Variants in ASB18 observed in about 807,000 individuals in gnomAD.
The protein encoded by ASB18 is ankyrin repeat and SOCS box protein 18.
ASB18 carries 33 observed loss-of-function variants against 33.4 expected under a neutral mutation model. The ratio of observed to expected loss-of-function variants is 0.99; its 90% CI spans 0.75 to 1.32. ASB18 has a LOEUF of 1.32. Among genes scored for constraint, ASB18 ranks in the 40% most tolerant of loss-of-function variants. The pLI, the probability that ASB18 is intolerant of heterozygous loss-of-function variation, is 0.00. For missense variants in ASB18, 694 were observed against 655.5 expected (o/e 1.06, Z -0.64); for synonymous variants, 295 against 307.6 (o/e 0.96, Z 0.43).
chr2:236,247,303 A>G (rs2060649728), intron 1 of ASB18: 1 of 140,032 alleles, frequency 7.1e-6, no homozygotes, highest in Non-Finnish European at 1.5e-5. Flanking sequence ...CTGAAAACCA[A>G]CTCATTCATT....
Position 236,237,836 on chromosome 2 carries a change from G to C in ASB18, c.449C>G (p.Pro150Arg). 3.6e-6 allele frequency: 5 copies of C among 1,388,670 alleles called. No individual in the cohort carries two copies. Among genetic ancestry groups the C allele is most frequent in the Non-Finnish European group, 4.6e-6 (5 of 1,082,566 alleles). The allele number at this position is 1,388,670 out of a possible 1,614,324, so 86.0% of individuals were successfully genotyped here. ...CTCGTGCAGGGCGCCGCGGCCGCCG[G>C]GGCTGGCGTCTGGGTCTGCGCCGCG... ...LGRGADPDAS[P>R]GGRGALHEAC... The change falls in exon 3 of 6, where the codon CCC (proline) becomes CGC (arginine). Residue 150 changes from proline (P) to arginine (R), a missense_variant. Physicochemically the swap from Pro to Arg is moderately radical, Grantham distance 103. Transcript: ENST00000409749. The surrounding 1 kb of genome is among the most constrained non-coding windows in gnomAD (Gnocchi z 6.2).
intron 3 of ASB18, among the ~76,000 whole-genome samples, chr2:236,232,372 C>T (rs1420599333): frequency 6.6e-6 from 1 of 151,720 alleles, no homozygotes; most frequent in Non-Finnish European, 1.5e-5. Flanking sequence ...ATGTATAGCA[C>T]TAAAAGCCTA....
Position 236,221,407 on chromosome 2 carries a change from C to G in ASB18, c.597-6541G>C, listed in dbSNP as rs555085925. ...CAAATCTCACCTTGAGTTTTACTCCCATAATTCCCATGTGTTGTGGGAGGG... is the reference window on the plus strand; with the variant it reads ...CAAATCTCACCTTGAGTTTTACTCCGATAATTCCCATGTGTTGTGGGAGGG... On this transcript the variant is annotated intron_variant, in intron 3 of 5. Coordinates refer to ENST00000409749, the MANE Select transcript of ASB18 (RefSeq NM_212556.4). This position sits in a 1 kb window ranked among gnomAD's most constrained non-coding sequence, Gnocchi z 5.6. Among the ~76,000 whole-genome samples the G allele has an allele frequency of 1.8e-4, 27 of 152,246 alleles. No individual in the cohort carries two copies. The highest frequency in any genetic ancestry group is 6.0e-4 in the African/African-American group (25 of 41,558).
rs1309403497 is a variant in ASB18 at position 236,220,350 on chromosome 2, C to T, written c.597-5484G>A. Among the ~76,000 whole-genome samples, 2 of 152,204 alleles carry T rather than the reference C, an allele frequency of 1.3e-5. No individual in the cohort carries two copies. The highest frequency in any genetic ancestry group is 1.5e-5 in the Non-Finnish European group (1 of 68,034). On this transcript the variant is annotated intron_variant, in intron 3 of 5. Coordinates refer to ENST00000409749, the MANE Select transcript of ASB18 (RefSeq NM_212556.4). The surrounding 1 kb of genome is among the most constrained non-coding windows in gnomAD (Gnocchi z 5.1). ...CACCTGTCTCACCCACCTGCTCCCACCTGTCTCAGCTGCCTGCCAAGCCTC... is the reference window on the plus strand; with the variant it reads ...CACCTGTCTCACCCACCTGCTCCCATCTGTCTCAGCTGCCTGCCAAGCCTC...
At chr2:236,212,552 ATAAG>A (rs1158107243) in intron 4 of ASB18, among the ~76,000 whole-genome samples, 2 of 152,122 alleles carry the variant, frequency 1.3e-5, no homozygotes, top group Non-Finnish European at 2.9e-5. Context: ...TCTTCCCTGA[ATAAG>A]TAAGTCAGAA....
In ASB18 at chr2:236,238,597, T is replaced by G. The variant is rs2060607285; in HGVS notation, c.329-641A>C. 8.9e-6 allele frequency among the ~76,000 whole-genome samples: 1 copy of G among 112,558 alleles called. No homozygotes were observed. Among genetic ancestry groups the G allele is most frequent in the Non-Finnish European group, 1.8e-5 (1 of 56,840 alleles). 73.8% of individuals were successfully genotyped at this position (112,558 alleles called of 152,430 possible). A position where few individuals can be genotyped will look rare whatever the true frequency, so the allele number is the denominator to read the frequency against. On this transcript the variant is annotated intron_variant, in intron 2 of 5. Transcript: ENST00000409749. This position sits in a 1 kb window ranked among gnomAD's most constrained non-coding sequence, Gnocchi z 5.2. Reference sequence around the variant, plus strand: ...TCAGCACAATCCTGGTTTGTTTCTTTGCGCTTTTTAGGGGTGTGTGTGTGT... The same window carrying G: ...TCAGCACAATCCTGGTTTGTTTCTTGGCGCTTTTTAGGGGTGTGTGTGTGT...
intron 4 of ASB18, among the ~76,000 whole-genome samples, chr2:236,212,510 C>CA (rs2060463401): frequency 6.6e-6 from 1 of 152,034 alleles, no homozygotes; most frequent in African/African-American, 2.4e-5. Context: ...TATATTGACT[C>CA]CTTTTTTTTT....
At position 236,264,178 on chromosome 2, in the gene ASB18, T is replaced by G; in HGVS notation, c.168A>C (p.Lys56Asn). Residue 56 changes from lysine to asparagine, a missense_variant, in exon 1 of 6, where the codon AAA becomes AAC. Lys to Asn is a moderately conservative substitution (Grantham distance 94). Coordinates refer to ENST00000409749, the MANE Select transcript of ASB18 (RefSeq NM_212556.4). This position sits in a 1 kb window ranked among gnomAD's most constrained non-coding sequence, Gnocchi z 5.1. ...VIELANDDWM[K>N]DPSAQLPTGM... ...CGGTGGGCAGCTGAGCCGAGGGGTC[T>G]TTCATCCAGTCGTCATTGGCCAGTT... 6.2e-7 allele frequency: 1 copy of G among 1,613,986 alleles called. No individual in the cohort carries two copies. Among genetic ancestry groups the G allele is most frequent in the Non-Finnish European group, 8.5e-7 (1 of 1,179,902 alleles).
At position 236,231,892 on chromosome 2, in the gene ASB18, C is replaced by A. The variant is rs1231618824; in HGVS notation, c.596+5797G>T. On this transcript the variant is annotated intron_variant, in intron 3 of 5. Transcript: ENST00000409749. The surrounding 1 kb of genome is among the most constrained non-coding windows in gnomAD (Gnocchi z 5.5). ...TGACAGAACTGCAAAGAGAAACAGA[C>A]AAATCCACAATTATACTTAGAGAGT... Among the ~76,000 whole-genome samples the A allele has an allele frequency of 1.3e-5, 2 of 152,158 alleles. No homozygotes were observed. Among genetic ancestry groups the A allele is most frequent in the Non-Finnish European group, 2.9e-5 (2 of 68,024 alleles).
At position 236,221,103 on chromosome 2, in the gene ASB18, G is replaced by A. The variant is rs909563648; in HGVS notation, c.597-6237C>T. Among the ~76,000 whole-genome samples the A allele has an allele frequency of 1.6e-4, 24 of 152,206 alleles. No homozygotes were observed. The highest frequency in any genetic ancestry group is 5.3e-4 in the African/African-American group (22 of 41,522). Reference sequence around the variant, plus strand: ...AGCAGTGGTCTAAAGGGCAGGGCCCGGCAGAGGATGGTGGCCTTGCAGTCA... The same window carrying A: ...AGCAGTGGTCTAAAGGGCAGGGCCCAGCAGAGGATGGTGGCCTTGCAGTCA... On this transcript the variant is annotated intron_variant, in intron 3 of 5. Coordinates refer to ENST00000409749, the MANE Select transcript of ASB18 (RefSeq NM_212556.4). This position sits in a 1 kb window ranked among gnomAD's most constrained non-coding sequence, Gnocchi z 5.6.
Position 236,235,972 on chromosome 2 carries a change from G to A in ASB18, c.596+1717C>T, listed in dbSNP as rs574460576. Among the ~76,000 whole-genome samples the A allele has an allele frequency of 9.1e-4, 138 of 152,302 alleles. No homozygotes were observed. The highest frequency in any genetic ancestry group is 3.2e-3 in the African/African-American group (134 of 41,546). ...GCCTCCCAAAGTGTTGGGATTACCG[G>A]CATGAGCCACCGCACCTAGCCTAAC... On this transcript the variant is annotated intron_variant, in intron 3 of 5. Coordinates refer to ENST00000409749, the MANE Select transcript of ASB18 (RefSeq NM_212556.4). This position sits in a 1 kb window ranked among gnomAD's most constrained non-coding sequence, Gnocchi z 6.2.
chr2:236,241,382 G>A lies in ASB18; in HGVS notation c.226C>T (p.Pro76Ser). 1 of 1,613,948 alleles carries A rather than the reference G, an allele frequency of 6.2e-7. No homozygotes were observed. The highest frequency in any genetic ancestry group is 1.3e-5 in the African/African-American group (1 of 75,030). ...TCCTGGAAGAACTGGTCCATGAGGGGCTTCAGATGGTCGAGGTCCCCTGCG... is the reference window on the plus strand; with the variant it reads ...TCCTGGAAGAACTGGTCCATGAGGGACTTCAGATGGTCGAGGTCCCCTGCG... ...MLLGDLDHLK[P>S]LMDQFFQDAN... The change falls in exon 2 of 6, where the codon CCC becomes TCC. Residue 76 changes from proline to serine, a missense_variant. Pro to Ser is a moderately conservative substitution (Grantham distance 74). Coordinates refer to ENST00000409749, the MANE Select transcript of ASB18 (RefSeq NM_212556.4). The surrounding 1 kb of genome is among the most constrained non-coding windows in gnomAD (Gnocchi z 4.2).
chr2:236,235,780 T>C lies in ASB18; in HGVS notation c.596+1909A>G, dbSNP rs2060586137. On this transcript the variant is annotated intron_variant, in intron 3 of 5. Coordinates refer to ENST00000409749, the MANE Select transcript of ASB18 (RefSeq NM_212556.4). This position sits in a 1 kb window ranked among gnomAD's most constrained non-coding sequence, Gnocchi z 6.2. Reference sequence around the variant, plus strand: ...GGAGTGCAGTGGCGTGAACATGGCTTACTCCTGTGCTCAAGCGATCCTCCC... The same window carrying C: ...GGAGTGCAGTGGCGTGAACATGGCTCACTCCTGTGCTCAAGCGATCCTCCC... Among the ~76,000 whole-genome samples, 1 of 152,298 alleles carries C rather than the reference T, an allele frequency of 6.6e-6. No individual in the cohort carries two copies. Among genetic ancestry groups the C allele is most frequent in the South Asian group, 2.1e-4 (1 of 4,812 alleles).
Position 236,259,518 on chromosome 2 carries a change from G to A in ASB18, c.205+4623C>T. On this transcript the variant is annotated intron_variant, in intron 1 of 5. Transcript: ENST00000409749. This position sits in a 1 kb window ranked among gnomAD's most constrained non-coding sequence, Gnocchi z 4.4. ...ATGCTTTCATGCAGGGAGGATGCACGATTTCTGTCCCAGTGGGAAGGGATG... is the reference window on the plus strand; with the variant it reads ...ATGCTTTCATGCAGGGAGGATGCACAATTTCTGTCCCAGTGGGAAGGGATG... 6.4e-6 allele frequency: 3 copies of A among 471,120 alleles called. No individual in the cohort carries two copies. The highest frequency in any genetic ancestry group is 8.8e-6 in the Non-Finnish European group (2 of 227,006). The allele number at this position is 471,120 out of a possible 1,614,324, so 29.2% of individuals were successfully genotyped here. A position where few individuals can be genotyped will look rare whatever the true frequency, so the allele number is the denominator to read the frequency against.
rs141179555 is a variant in ASB18 at position 236,252,267 on chromosome 2, T to TCTCACA, written c.206-10866_206-10865insTGTGAG. On this transcript the variant is annotated intron_variant, in intron 1 of 5. Coordinates refer to ENST00000409749, the MANE Select transcript of ASB18 (RefSeq NM_212556.4). This position sits in a 1 kb window ranked among gnomAD's most constrained non-coding sequence, Gnocchi z 7.9. ...GCCTTGGCAACAGAGTGAGACTCCGTCACACACACACACACACACACACAC... is the reference window on the plus strand; with the variant it reads ...GCCTTGGCAACAGAGTGAGACTCCGTCTCACACACACACACACACACACACACACAC... Among the ~76,000 whole-genome samples, 8 of 138,580 alleles carry TCTCACA rather than the reference T, an allele frequency of 5.8e-5. No homozygotes were observed. The highest frequency in any genetic ancestry group is 1.5e-4 in the Admixed American group (2 of 13,498). 90.9% of individuals were successfully genotyped at this position (138,580 alleles called of 152,430 possible).
chr2:236,227,320 T>C (rs1193290782), intron 3 of ASB18, among the ~76,000 whole-genome samples: 4 of 152,184 alleles, frequency 2.6e-5, no homozygotes, highest in Non-Finnish European at 5.9e-5. Context: ...CCAAATGAAT[T>C]TGAAATAGTA....
chr2:236,237,703 C>T lies in ASB18; in HGVS notation c.582G>A (p.Thr194=), dbSNP rs777543012. The change falls in exon 3 of 6, where the codon ACG becomes ACA. Residue 194 remains threonine (T), a synonymous_variant. Coordinates refer to ENST00000409749, the MANE Select transcript of ASB18 (RefSeq NM_212556.4). This position sits in a 1 kb window ranked among gnomAD's most constrained non-coding sequence, Gnocchi z 6.2. The part of the protein sequence containing the change: ...EGLAPLHLCR[T]AASLGCAQAL... The stretch of plus-strand genomic sequence containing the variant: ...GAGGTCCTTACCCGAGCGAGGCGGC[C>T]GTGCGGCAGAGGTGCAGAGGCGCCA... 1.4e-6 allele frequency: 2 copies of T among 1,453,650 alleles called. No homozygotes were observed. The highest frequency in any genetic ancestry group is 2.5e-5 in the Admixed American group (1 of 39,964). The allele number at this position is 1,453,650 out of a possible 1,614,324, so 90.0% of individuals were successfully genotyped here. A position where few individuals can be genotyped will look rare whatever the true frequency, so the allele number is the denominator to read the frequency against.
rs1576398504 is a variant in ASB18 at position 236,214,626 on chromosome 2, C to G, written c.837G>C (p.Leu279=). 4.2e-6 allele frequency: 5 copies of G among 1,191,298 alleles called. No individual in the cohort carries two copies. In the East Asian group the frequency reaches 1.9e-4, roughly 46 times the overall value. 73.8% of individuals were successfully genotyped at this position (1,191,298 alleles called of 1,614,324 possible). ...CGTCCGCCTCCGCCCCGCGCCGCAG[C>G]AGCAGCGCGCACAGGCGCAGGCAGC... is the stretch of plus-strand genomic sequence containing the variant. The part of the protein sequence containing the change: ...HGRCLRLCAL[L]LRRGAEADAR... The change falls in exon 4 of 6, where the codon CTG becomes CTC. Residue 279 remains leucine, a synonymous_variant. Coordinates refer to ENST00000409749, the MANE Select transcript of ASB18 (RefSeq NM_212556.4). This position sits in a 1 kb window ranked among gnomAD's most constrained non-coding sequence, Gnocchi z 6.5.
rs2060687157 is a variant in ASB18 at position 236,255,300 on chromosome 2, C to T, written c.205+8841G>A. Among the ~76,000 whole-genome samples, 1 of 152,076 alleles carries T rather than the reference C, an allele frequency of 6.6e-6. No individual in the cohort carries two copies. The highest frequency in any genetic ancestry group is 2.1e-4 in the South Asian group (1 of 4,808). On this transcript the variant is annotated intron_variant, in intron 1 of 5. Coordinates refer to ENST00000409749, the MANE Select transcript of ASB18 (RefSeq NM_212556.4). This position sits in a 1 kb window ranked among gnomAD's most constrained non-coding sequence, Gnocchi z 4.4. ...CTGAAATTACAGGCGCCCACCACGA[C>T]GCCCAGCTAATTTATATATTTTTTG...
Sources: allele counts gnomAD v4.1 joint callset (sites outside exome capture counted in the v4.1 genomes callset), GRCh38; gene constraint gnomAD v4.1.1; non-coding constraint Gnocchi (gnomAD v3.1); transcripts MANE v1.5; gene names NCBI Gene and HGNC (gene_info 2026-07-23, HGNC 2026-07-21).